Variants in CCDC68 observed in about 807,000 individuals in gnomAD.
CCDC68 encodes the protein coiled-coil domain containing 68.
In CCDC68, 45 loss-of-function variants were observed where a neutral mutation model predicts 47.1. The ratio of observed to expected loss-of-function variants is 0.96; its 90% CI spans 0.75 to 1.23. CCDC68 has a LOEUF of 1.23. CCDC68 is among the 50% of genes most tolerant of loss of function. The pLI, the probability that CCDC68 is intolerant of heterozygous loss-of-function variation, is 0.00. For synonymous variants in CCDC68, 131 were observed against 129.5 expected, an observed-to-expected ratio of 1.01 and a Z score of -0.08; for missense variants, 353 against 373.6, an observed-to-expected ratio of 0.94 and a Z score of 0.45.
chr18:54,946,495 T>A (rs571599101), intron 1 of CCDC68, among the ~76,000 whole-genome samples: 1 of 152,328 alleles, frequency 6.6e-6, no homozygotes, highest in African/African-American at 2.4e-5. Context: ...TCATTTTCCT[T>A]TTTAGTATGT....
intron 10 of CCDC68, among the ~76,000 whole-genome samples, chr18:54,910,844 C>T (rs201586823): frequency 1.9e-4 from 29 of 152,322 alleles, no homozygotes; most frequent in Admixed American, 1.3e-3. Flanking sequence ...AACTTTGCTC[C>T]GAGATTGGGG....
intron 1 of CCDC68, among the ~76,000 whole-genome samples, chr18:54,947,821 T>C (rs1042443620): frequency 6.6e-6 from 1 of 152,190 alleles, no homozygotes; most frequent in African/African-American, 2.4e-5. Context: ...AAAAATTGCT[T>C]TGGGGGACTT....
chr18:54,950,943 C>T (rs1175008898), intron 1 of CCDC68, among the ~76,000 whole-genome samples: 4 of 114,206 alleles, frequency 3.5e-5, no homozygotes, highest in Non-Finnish European at 5.0e-5. Context: ...GAGTCTCGCT[C>T]TGTCGCCCAG....
chr18:54,907,729 G>T, intron 11 of CCDC68, 57 bp downstream of exon 11: 1 of 946,212 alleles, frequency 1.1e-6, no homozygotes. Context: ...TGGGTTGAAT[G>T]TCTAACATGT....
intron 1 of CCDC68, among the ~76,000 whole-genome samples, chr18:54,951,124 G>A (rs2044612729): frequency 6.6e-6 from 1 of 150,988 alleles, no homozygotes; most frequent in African/African-American, 2.4e-5. Flanking sequence ...TAGCCAGGAT[G>A]GTCTCGATCT....
rs572890871 is a variant in CCDC68 at position 54,937,129 on chromosome 18, T to C, written c.346-171A>G. ...TATTTGGTAAGAGGAAAATGTAAAA[T>C]GAGAAACTCCCTATTTAGAGGGGCT... On this transcript the variant is annotated intron_variant, in intron 5 of 11. Coordinates refer to ENST00000591504, the MANE Select transcript of CCDC68 (RefSeq NM_025214.3). 4.4e-5 allele frequency: 28 copies of C among 634,966 alleles called. No individual in the cohort carries two copies. The South Asian group carries it at 5.5e-4, about 12-fold the overall frequency. 39.3% of individuals were successfully genotyped at this position (634,966 alleles called of 1,614,324 possible). A position where few individuals can be genotyped will look rare whatever the true frequency, so the allele number is the denominator to read the frequency against.
chr18:54,921,739 T>G (rs1013415848), intron 8 of CCDC68, among the ~76,000 whole-genome samples: 1 of 152,214 alleles, frequency 6.6e-6, no homozygotes, highest in African/African-American at 2.4e-5. Flanking sequence ...TCCATTTCCC[T>G]CCTCTTGATT....
rs1944365 is a variant in CCDC68 at position 54,902,320 on chromosome 18, C to G, written c.*2038G>C. On this transcript the variant is annotated 3_prime_UTR_variant, in exon 12 of 12. Transcript: ENST00000591504. ...TTCTAATGGAAATCATCAAGATTGT[C>G]AGGTCAGTTAAATAAGCCCATTCCA... The G allele has an allele frequency of 6.6e-6, 1 of 152,182 alleles. No individual in the cohort carries two copies. The highest frequency in any genetic ancestry group is 2.1e-4 in the South Asian group (1 of 4,830). 9.4% of individuals were successfully genotyped at this position (152,182 alleles called of 1,614,324 possible).
chr18:54,922,481 G>A (rs1427568308), intron 8 of CCDC68, among the ~76,000 whole-genome samples: 9 of 152,204 alleles, frequency 5.9e-5, no homozygotes, highest in East Asian at 1.9e-4. Flanking sequence ...GAATTGCTGC[G>A]AACATGCAGA....
intron 1 of CCDC68, among the ~76,000 whole-genome samples, chr18:54,950,301 G>A (rs1361916870): frequency 1.3e-5 from 2 of 152,138 alleles, no homozygotes; most frequent in African/African-American, 2.4e-5. Context: ...CGGATAATTC[G>A]GTTATATGAG....
At chr18:54,915,011 T>C (rs2043921065) in intron 10 of CCDC68, among the ~76,000 whole-genome samples, 1 of 152,230 alleles carries the variant, frequency 6.6e-6, no homozygotes, top group South Asian at 2.1e-4. Flanking sequence ...TTAGAAGCTG[T>C]AGTACCACTG....
In CCDC68 at chr18:54,907,777, A is replaced by T. The variant is rs374785146; in HGVS notation, c.950+9T>A. On this transcript the variant is annotated intron_variant, in intron 11 of 11. Transcript: ENST00000591504. ...GTGAAGACAGGGTGGAAGAGGACAG[A>T]GACCTTACCTTGTAGAGACAGCCTT... 6.6e-7 allele frequency: 1 copy of T among 1,514,270 alleles called. No individual in the cohort carries two copies. The highest frequency in any genetic ancestry group is 9.2e-7 in the Non-Finnish European group (1 of 1,089,284). 93.8% of individuals were successfully genotyped at this position (1,514,270 alleles called of 1,614,324 possible).
intron 9 of CCDC68, among the ~76,000 whole-genome samples, chr18:54,918,737 T>C (rs555331468): frequency 6.6e-6 from 1 of 152,322 alleles, no homozygotes; most frequent in South Asian, 2.1e-4. Flanking sequence ...TTTTAAATTT[T>C]AAAACAGAAC....
intron 4 of CCDC68, among the ~76,000 whole-genome samples, chr18:54,940,071 G>A (rs949934872): frequency 6.6e-5 from 10 of 151,966 alleles, no homozygotes; most frequent in African/African-American, 2.2e-4. Context: ...CATTGGGAAC[G>A]GTCCCCTCAA....
chr18:54,926,421 T>G (rs1035553979), intron 8 of CCDC68, among the ~76,000 whole-genome samples: 5 of 152,212 alleles, frequency 3.3e-5, no homozygotes, highest in African/African-American at 1.2e-4. Context: ...TGAGAACTCA[T>G]GAGAACAGCA....
At chr18:54,914,962 TATAA>T (rs1416170861) in intron 10 of CCDC68, among the ~76,000 whole-genome samples, 1 of 152,156 alleles carries the variant, frequency 6.6e-6, no homozygotes, top group Non-Finnish European at 1.5e-5. Flanking sequence ...TTGGGAACAA[TATAA>T]ATAAATAGGC....
rs767365856 is a variant in CCDC68, at chr18:54,940,984, A to G, written c.204+13T>C. On this transcript the variant is annotated intron_variant, in intron 4 of 11. Transcript: ENST00000591504. ...AAATGGCTTTATGCTAATCTTCTGC[A>G]GGAAATTATTACCTTTGCATCTAGT... 6.4e-7 allele frequency: 1 copy of G among 1,571,038 alleles called. No homozygotes were observed. Among genetic ancestry groups the G allele is most frequent in the African/African-American group, 1.4e-5 (1 of 73,986 alleles).
intron 11 of CCDC68, among the ~76,000 whole-genome samples, chr18:54,905,201 C>T (rs1259853985): frequency 6.6e-6 from 1 of 151,650 alleles, no homozygotes; most frequent in Non-Finnish European, 1.5e-5. Flanking sequence ...TTAAGATGAG[C>T]TATGATTGCA....
In CCDC68 at chr18:54,923,437, A is replaced by G. The variant is rs566925818; in HGVS notation, c.684-4061T>C. 2.6e-5 allele frequency among the ~76,000 whole-genome samples: 4 copies of G among 151,946 alleles called. No individual in the cohort carries two copies. In the South Asian group the frequency reaches 8.4e-4, roughly 32 times the overall value. ...AAGGTATTACCATAGCGTTCACTGT[A>G]AGTAAAAAAAAAAAAAAAATTGAAA... On this transcript the variant is annotated intron_variant, in intron 8 of 11. Transcript: ENST00000591504.
Sources: allele counts gnomAD v4.1 joint callset (sites outside exome capture counted in the v4.1 genomes callset), GRCh38; gene constraint gnomAD v4.1.1; transcripts MANE v1.5; gene names NCBI Gene and HGNC (gene_info 2026-07-23, HGNC 2026-07-21).